The following ROR1 variants were observed in gnomAD, a reference collection of about 807,000 sequenced individuals.
ROR1 encodes ROR family WNT receptor 1, also known as inactive tyrosine-protein kinase transmembrane receptor ROR1.
In ROR1, 19 loss-of-function variants were observed where a neutral mutation model predicts 78.8. That is an observed-to-expected ratio of 0.24 (90% CI 0.17 to 0.35). The LOEUF is 0.35. Among genes scored for constraint, ROR1 ranks in the 10% least tolerant of loss-of-function variants. ROR1 has a pLI of 1.00. For missense variants in ROR1, 917 were observed against 1,177.8 expected, an observed-to-expected ratio of 0.78 and a Z score of 3.24; for synonymous variants, 386 against 433.6, an observed-to-expected ratio of 0.89 and a Z score of 1.36.
At chr1:63,873,143 C>T (rs1296292504) in intron 1 of ROR1, among the ~76,000 whole-genome samples, 1 of 152,042 alleles carries the variant, frequency 6.6e-6, no homozygotes, top group African/African-American at 2.4e-5. Flanking sequence ...CTGCTGTCAC[C>T]AGATCCTGCT....
At chr1:63,855,174 C>T (rs1179539874) in intron 1 of ROR1, among the ~76,000 whole-genome samples, 1 of 152,112 alleles carries the variant, frequency 6.6e-6, no homozygotes, top group Non-Finnish European at 1.5e-5. Flanking sequence ...TGTTCTTAAC[C>T]TGACCTCCCA....
chr1:63,999,027 G>C (rs1198471787), intron 1 of ROR1, among the ~76,000 whole-genome samples: 1 of 152,140 alleles, frequency 6.6e-6, no homozygotes, highest in Non-Finnish European at 1.5e-5. Flanking sequence ...TGATTGCGAG[G>C]CCTCTCCAGC....
chr1:64,102,096 G>T (rs2806545), intron 4 of ROR1, among the ~76,000 whole-genome samples: 57,780 of 151,952 alleles, frequency 0.38, 12,659 homozygotes, highest in Non-Finnish European at 0.51. Flanking sequence ...GTGCAAATAG[G>T]GCTGGGGAGA....
intron 1 of ROR1, among the ~76,000 whole-genome samples, chr1:64,002,290 C>T (rs777857530): frequency 1.4e-4 from 21 of 152,164 alleles, no homozygotes; most frequent in African/African-American, 2.2e-4. Context: ...TGCACCACCA[C>T]GCCCAGCTAA....
At chr1:64,170,020 G>A (rs1276287727) in intron 8 of ROR1, among the ~76,000 whole-genome samples, 1 of 152,186 alleles carries the variant, frequency 6.6e-6, no homozygotes, top group Non-Finnish European at 1.5e-5. Context: ...GGCTGGCATT[G>A]AGTGTCTGGG....
intron 1 of ROR1, among the ~76,000 whole-genome samples, chr1:63,955,265 T>TA (rs915778556): frequency 9.9e-5 from 15 of 152,184 alleles, no homozygotes; most frequent in African/African-American, 2.7e-4. Context: ...GAAGAAGCTT[T>TA]AAAAAAATCC....
At chr1:64,120,398 TA>T (rs1648487320) in intron 4 of ROR1, among the ~76,000 whole-genome samples, 3 of 152,310 alleles carry the variant, frequency 2.0e-5, no homozygotes, top group Non-Finnish European at 4.4e-5. Flanking sequence ...TTTTAAAAAG[TA>T]AAAATGAATG....
chr1:63,806,148 C>T (rs1644827155), intron 1 of ROR1, among the ~76,000 whole-genome samples: 1 of 152,112 alleles, frequency 6.6e-6, no homozygotes, highest in Non-Finnish European at 1.5e-5. Flanking sequence ...TTGTTTAGTT[C>T]AGTAACTCCT....
chr1:64,079,781 C>T (rs1435191975), intron 4 of ROR1, among the ~76,000 whole-genome samples: 1 of 152,110 alleles, frequency 6.6e-6, no homozygotes, highest in Non-Finnish European at 1.5e-5. Flanking sequence ...CGTATCTGGC[C>T]TTGATTGGAA....
At chr1:64,159,709 C>G (rs1649884261) in intron 8 of ROR1, among the ~76,000 whole-genome samples, 1 of 152,070 alleles carries the variant, frequency 6.6e-6, no homozygotes. Context: ...CTTTGTATGC[C>G]TAACTTACAT....
At chr1:63,801,515 G>A (rs1470928799) in intron 1 of ROR1, among the ~76,000 whole-genome samples, 2 of 152,024 alleles carry the variant, frequency 1.3e-5, no homozygotes, top group Non-Finnish European at 2.9e-5. Flanking sequence ...GGCTGGTCTT[G>A]AACTCCTGAC....
At chr1:64,108,848 C>T (rs181236890) in intron 4 of ROR1, among the ~76,000 whole-genome samples, 2 of 152,254 alleles carry the variant, frequency 1.3e-5, no homozygotes, top group Admixed American at 1.3e-4. Context: ...TTATATGGGT[C>T]ACCCTTACAG....
intron 1 of ROR1, among the ~76,000 whole-genome samples, chr1:64,005,585 T>C (rs993556615): frequency 6.6e-6 from 1 of 152,196 alleles, no homozygotes; most frequent in Admixed American, 6.5e-5. Context: ...GGGTCAAAAC[T>C]TGTGGCCGTG....
intron 1 of ROR1, among the ~76,000 whole-genome samples, chr1:63,891,211 T>C (rs1433869022): frequency 6.6e-6 from 1 of 152,238 alleles, no homozygotes; most frequent in Non-Finnish European, 1.5e-5. Flanking sequence ...TATATTATTG[T>C]TTCCATCTCT....
chr1:63,884,460 C>T (rs1367568931), intron 1 of ROR1, among the ~76,000 whole-genome samples: 2 of 152,098 alleles, frequency 1.3e-5, no homozygotes, highest in Admixed American at 1.3e-4. Flanking sequence ...AAGCCTGACC[C>T]CTTTCATTTT....
At chr1:63,965,706 T>C (rs780353625) in intron 1 of ROR1, among the ~76,000 whole-genome samples, 4 of 152,228 alleles carry the variant, frequency 2.6e-5, no homozygotes, top group Non-Finnish European at 5.9e-5. Context: ...TTCTACACTT[T>C]TATTTCCTGG....
At position 63,960,774 on chromosome 1, in the gene ROR1, T is replaced by TA. The variant is rs773751606; in HGVS notation, c.92-48524dup. On this transcript the variant is annotated intron_variant, in intron 1 of 8. Coordinates refer to ENST00000371079, the MANE Select transcript of ROR1 (RefSeq NM_005012.4). ...CTGATATGCTTAAATTTCATTTTTC[T>TA]AAAAAAATACAAAAAGGATTAGGTT... 6.6e-5 allele frequency among the ~76,000 whole-genome samples: 10 copies of TA among 152,164 alleles called. No homozygotes were observed. The East Asian group carries it at 1.5e-3, about 23-fold the overall frequency.
At chr1:64,099,456 CAA>C (rs1647431580) in intron 4 of ROR1, among the ~76,000 whole-genome samples, 1 of 152,082 alleles carries the variant, frequency 6.6e-6, no homozygotes, top group Admixed American at 6.6e-5. Flanking sequence ...AGAAGGATAA[CAA>C]AAGTCATCGG....
At chr1:63,831,245 GT>G (rs756332368) in intron 1 of ROR1, among the ~76,000 whole-genome samples, 6 of 152,316 alleles carry the variant, frequency 3.9e-5, no homozygotes, top group Non-Finnish European at 5.9e-5. Flanking sequence ...CTACTAGGCA[GT>G]TTCCCAGTGG....
Sources: gnomAD v4.1 joint callset for allele counts (sites outside exome capture counted in the v4.1 genomes callset) on GRCh38, gnomAD v4.1.1 for gene constraint, MANE v1.5 for transcripts, NCBI Gene and HGNC (gene_info 2026-07-23, HGNC 2026-07-21) for gene names.